Variants in FAAH2 observed in about 807,000 individuals in gnomAD.
FAAH2 encodes the protein fatty acid amide hydrolase 2.
FAAH2 carries 60 observed loss-of-function variants against 36.9 expected under a neutral mutation model. The observed-to-expected ratio is 1.63, with a 90% CI of 1.32 to 2.02. The LOEUF (loss-of-function observed/expected upper bound fraction) is 2.02, where lower values mean the gene tolerates loss of function less well. FAAH2 is among the 30% of genes most tolerant of loss of function. FAAH2 has a pLI of 0.00. For synonymous variants in FAAH2, 214 were observed against 143.8 expected (o/e 1.49, Z -3.49); for missense variants, 689 against 397.5 (o/e 1.73, Z -6.23).
At chrX:57,225,837 G>A in the FAAH2 span, among the ~76,000 whole-genome samples, 2 of 111,820 alleles carry the variant, frequency 1.8e-5, no homozygotes. Flanking sequence ...GTGAATATTT[G>A]TTTAAGATTA....
At chrX:57,334,297 C>CACACACACACACACACAA (rs2053488100) in intron 4 of FAAH2, among the ~76,000 whole-genome samples, 1 of 109,209 alleles carries the variant, frequency 9.2e-6, no homozygotes, top group Non-Finnish European at 1.9e-5. Flanking sequence ...CACACACACA[C>CACACACACACACACACAA]AAAGATGGGA....
At chrX:57,166,804 G>A in the FAAH2 span, among the ~76,000 whole-genome samples, 2 of 111,886 alleles carry the variant, frequency 1.8e-5, no homozygotes, top group Admixed American at 1.9e-4. Flanking sequence ...TGGGAAATAA[G>A]AGCAGGTCCT....
the FAAH2 span, among the ~76,000 whole-genome samples, chrX:57,159,950 T>C: frequency 9.0e-6 from 1 of 111,620 alleles, no homozygotes; most frequent in East Asian, 2.8e-4. Context: ...TTTTTGCCCA[T>C]GCAGTATGAT....
chrX:57,343,448 C>T (rs185284544), intron 5 of FAAH2, among the ~76,000 whole-genome samples: 1,140 of 111,521 alleles, frequency 0.01, 7 homozygotes, highest in Non-Finnish European at 0.017. Context: ...ATGTCATTTT[C>T]TCACTCTTTA....
chrX:57,481,687 G>A (rs1194344634), intron 10 of FAAH2, among the ~76,000 whole-genome samples: 1 of 111,944 alleles, frequency 8.9e-6, no homozygotes, highest in Non-Finnish European at 1.9e-5. Flanking sequence ...ACCCCTGTTG[G>A]GAGGTCTCTC....
At chrX:57,244,326 G>T in the FAAH2 span, among the ~76,000 whole-genome samples, 1 of 111,099 alleles carries the variant, frequency 9.0e-6, no homozygotes, top group African/African-American at 3.3e-5. Flanking sequence ...CACTCTTCAG[G>T]ATATTATCCA....
intron 10 of FAAH2, among the ~76,000 whole-genome samples, chrX:57,477,609 A>T (rs2057295365): frequency 9.1e-6 from 1 of 109,770 alleles, no homozygotes. Context: ...CATTTGCATT[A>T]GGTATATCTC....
chrX:57,144,302 T>G, the FAAH2 span, among the ~76,000 whole-genome samples: 14 of 111,243 alleles, frequency 1.3e-4, no homozygotes, highest in South Asian at 5.3e-3. Context: ...TTACTTAGTT[T>G]GAGTCTTCTT....
the FAAH2 span, among the ~76,000 whole-genome samples, chrX:57,167,646 C>T: frequency 1.5e-4 from 17 of 111,617 alleles, no homozygotes; most frequent in African/African-American, 4.6e-4. Flanking sequence ...TTAAATGATT[C>T]CTTCTGCCAG....
At chrX:57,204,414 A>G in the FAAH2 span, among the ~76,000 whole-genome samples, 3 of 111,789 alleles carry the variant, frequency 2.7e-5, no homozygotes, top group African/African-American at 6.5e-5. Flanking sequence ...ACTCATGTCA[A>G]TGGTGATCAC....
the FAAH2 span, among the ~76,000 whole-genome samples, chrX:57,199,600 G>T: frequency 2.7e-5 from 3 of 111,572 alleles, no homozygotes; most frequent in East Asian, 8.4e-4. Flanking sequence ...GGTCTATTTG[G>T]TCTATACTGT....
At chrX:57,396,374 T>G (rs1349931684) in intron 7 of FAAH2, among the ~76,000 whole-genome samples, 1 of 106,065 alleles carries the variant, frequency 9.4e-6, no homozygotes, top group Non-Finnish European at 1.9e-5. Context: ...TTAGGTTTAG[T>G]GTTTTTTTTT....
intron 7 of FAAH2, among the ~76,000 whole-genome samples, chrX:57,396,382 T>G (rs1212846387): frequency 2.7e-5 from 3 of 109,389 alleles, no homozygotes; most frequent in African/African-American, 6.6e-5. Context: ...AGTGTTTTTT[T>G]TTTTTTTTTC....
At chrX:57,325,655 T>C (rs1390830994) in intron 3 of FAAH2, among the ~76,000 whole-genome samples, 2 of 91,344 alleles carry the variant, frequency 2.2e-5, no homozygotes, top group African/African-American at 8.1e-5. Context: ...CTGATGGTAG[T>C]TTGTATTTCT....
chrX:57,321,383 T>A (rs2053019627), intron 3 of FAAH2, among the ~76,000 whole-genome samples: 2 of 109,291 alleles, frequency 1.8e-5, no homozygotes, highest in African/African-American at 6.7e-5. Context: ...AGATGACGTG[T>A]TGATGGGTGC....
chrX:57,244,245 G>A, the FAAH2 span, among the ~76,000 whole-genome samples: 1 of 110,537 alleles, frequency 9.0e-6, no homozygotes, highest in Non-Finnish European at 1.9e-5. Flanking sequence ...ATGGGACCAT[G>A]TGAAAAGACC....
intron 3 of FAAH2, among the ~76,000 whole-genome samples, chrX:57,327,754 AG>A (rs1298129733): frequency 1.8e-5 from 2 of 110,797 alleles, no homozygotes; most frequent in Non-Finnish European, 3.8e-5. Context: ...TCCTTTTTCA[AG>A]TTTTTTTAAC....
At chrX:57,335,386 G>A (rs1425343176) in intron 4 of FAAH2, among the ~76,000 whole-genome samples, 3 of 112,358 alleles carry the variant, frequency 2.7e-5, no homozygotes, top group African/African-American at 9.7e-5. Context: ...TAGGATAATA[G>A]TGGAGAGAAG....
the FAAH2 span, among the ~76,000 whole-genome samples, chrX:57,247,832 G>A: frequency 1.3e-4 from 15 of 112,329 alleles, no homozygotes; most frequent in Non-Finnish European, 2.8e-4. Flanking sequence ...TCATAGGCGA[G>A]TGCTTCAAAC....
Sources: gnomAD v4.1 joint callset for allele counts (sites outside exome capture counted in the v4.1 genomes callset) on GRCh38, gnomAD v4.1.1 for gene constraint, MANE v1.5 for transcripts, NCBI Gene and HGNC (gene_info 2026-07-23, HGNC 2026-07-21) for gene names.